The following TUBG1 variants were observed in gnomAD, a reference collection of about 807,000 sequenced individuals.
The protein encoded by TUBG1 is tubulin gamma 1.
In TUBG1, 22 loss-of-function variants were observed where a neutral mutation model predicts 53.3. The observed-to-expected ratio is 0.41, with a 90% CI of 0.29 to 0.59. TUBG1 has a LOEUF of 0.59. Among genes scored for constraint, TUBG1 ranks in the 20% least tolerant of loss-of-function variants. The pLI is 0.26. For missense variants in TUBG1, 217 were observed against 598.9 expected, an observed-to-expected ratio of 0.36 and a Z score of 6.66; for synonymous variants, 198 against 236.7, an observed-to-expected ratio of 0.84 and a Z score of 1.50.
chr17:42,611,918 C>G (rs1037817573), intron 3 of TUBG1, among the ~76,000 whole-genome samples, 157 bp from the exon 4 acceptor site: 2 of 152,110 alleles, frequency 1.3e-5, no homozygotes, highest in Non-Finnish European at 2.9e-5. Context: ...TTCTTGTAAC[C>G]ACTGCACCGT....
Position 42,614,438 on chromosome 17 carries a change from C to A in TUBG1, c.996+26C>A. The stretch of plus-strand genomic sequence containing the variant: ...GTAGGGGAGGCCCCTTCATCCCACA[C>A]CCTGGACCTGCAGGGGTAGAGGAGA... On this transcript the variant is annotated intron_variant, in intron 9 of 10. Transcript: ENST00000251413. The surrounding 1 kb of genome is among the most constrained non-coding windows in gnomAD (Gnocchi z 5.1). 1.2e-6 allele frequency: 2 copies of A among 1,614,184 alleles called. No individual in the cohort carries two copies. Among genetic ancestry groups the A allele is most frequent in the Non-Finnish European group, 1.7e-6 (2 of 1,180,018 alleles).
chr17:42,614,036 C>G lies in TUBG1; in HGVS notation c.843+38C>G. On this transcript the variant is annotated intron_variant, in intron 8 of 10. Coordinates refer to ENST00000251413, the MANE Select transcript of TUBG1 (RefSeq NM_001070.5). The surrounding 1 kb of genome is among the most constrained non-coding windows in gnomAD (Gnocchi z 5.1). ...TTCAGTGTCCCAGGCCAGGCCGGCC[C>G]TGGGCCCAACAGGCCCTGTCCTAGC... is the stretch of plus-strand genomic sequence containing the variant. The G allele has an allele frequency of 3.1e-6, 5 of 1,613,924 alleles. No individual in the cohort carries two copies. Among genetic ancestry groups the G allele is most frequent in the Non-Finnish European group, 4.2e-6 (5 of 1,179,882 alleles).
At position 42,614,658 on chromosome 17, in the gene TUBG1, G is replaced by A. The variant is rs1404954698; in HGVS notation, c.1158+1G>A. 1.2e-6 allele frequency: 2 copies of A among 1,614,022 alleles called. No homozygotes were observed. The highest frequency in any genetic ancestry group is 2.2e-5 in the East Asian group (1 of 44,888). ...GGCCAACCACACCAGCATCTCCTCGGTGAGTCTCAAAGTTTGCACCTTTTT... is the reference window on the plus strand; with the variant it reads ...GGCCAACCACACCAGCATCTCCTCGATGAGTCTCAAAGTTTGCACCTTTTT... On this transcript the variant is annotated splice_donor_variant, in intron 10 of 10. Coordinates refer to ENST00000251413, the MANE Select transcript of TUBG1 (RefSeq NM_001070.5). LOFTEE classifies it high-confidence loss of function. This position sits in a 1 kb window ranked among gnomAD's most constrained non-coding sequence, Gnocchi z 5.1.
chr17:42,609,987 G>A lies in TUBG1; in HGVS notation c.50-121G>A, dbSNP rs561984644. 8.8e-4 allele frequency: 1,196 copies of A among 1,357,692 alleles called. 2 individuals carry two copies. Among genetic ancestry groups the A allele is most frequent in the Non-Finnish European group, 7.8e-4 (777 of 990,802 alleles). The allele number at this position is 1,357,692 out of a possible 1,614,324, so 84.1% of individuals were successfully genotyped here. On this transcript the variant is annotated intron_variant, in intron 1 of 10. Coordinates refer to ENST00000251413, the MANE Select transcript of TUBG1 (RefSeq NM_001070.5). ...GGCGTACAGTCCTTTCCTCAGACACGGGAGAGTCCTGCGGCTTGACTTCTT... is the reference window on the plus strand; with the variant it reads ...GGCGTACAGTCCTTTCCTCAGACACAGGAGAGTCCTGCGGCTTGACTTCTT...
chr17:42,612,272 C>A (rs920771967), intron 4 of TUBG1, 129 bp downstream of exon 4: 2 of 1,305,694 alleles, frequency 1.5e-6, no homozygotes, highest in East Asian at 4.6e-5. Context: ...TCAGGCCTTG[C>A]CAGAAACAAG....
chr17:42,610,762 T>C, intron 3 of TUBG1, 172 bp downstream of exon 3: 7 of 904,412 alleles, frequency 7.7e-6, no homozygotes, highest in Non-Finnish European at 1.2e-5. Flanking sequence ...GCTAATGCAG[T>C]GTGCCAGGTC....
At position 42,614,229 on chromosome 17, in the gene TUBG1, T is replaced by A; in HGVS notation, c.844-31T>A. ...CAAAGGGGGACTGTGCCCTGAGCGC[T>A]GGCCGGGTCCCTGTCTCACTGTCCT... On this transcript the variant is annotated intron_variant, in intron 8 of 10. Transcript: ENST00000251413. This position sits in a 1 kb window ranked among gnomAD's most constrained non-coding sequence, Gnocchi z 5.1. The A allele has an allele frequency of 1.2e-6, 2 of 1,613,694 alleles. No homozygotes were observed. The highest frequency in any genetic ancestry group is 1.7e-6 in the Non-Finnish European group (2 of 1,179,734).
chr17:42,609,767 G>C lies in TUBG1; in HGVS notation c.30G>C (p.Leu10Phe). The change falls in exon 1 of 11, where the codon TTG becomes TTC. Residue 10 changes from leucine (L) to phenylalanine (F), a missense_variant. This residue lies in a region of TUBG1 where 57 missense variants were observed against 169.3 expected (regional missense o/e 0.34). Coordinates refer to ENST00000251413, the MANE Select transcript of TUBG1 (RefSeq NM_001070.5). MPREIITLQLGQCGNQIGFE... is the reference protein window; with the variant it reads MPREIITLQFGQCGNQIGFE... ...CGAGGGAAATCATCACCCTACAGTTGGGCCAGTGCGGCAATCAGAGTGAGC... is the reference window on the plus strand; with the variant it reads ...CGAGGGAAATCATCACCCTACAGTTCGGCCAGTGCGGCAATCAGAGTGAGC... 1 of 1,551,516 alleles carries C rather than the reference G, an allele frequency of 6.4e-7. No homozygotes were observed. The highest frequency in any genetic ancestry group is 8.7e-7 in the Non-Finnish European group (1 of 1,146,906).
rs545742505 is a variant in TUBG1 at position 42,612,286 on chromosome 17, G to C, written c.400-141G>C. ...ATCAGGCCTTGCCAGAAACAAGGCA[G>C]TTGCCTAAGCTGTATAAGTGAGGGG... On this transcript the variant is annotated intron_variant, in intron 4 of 10. Transcript: ENST00000251413. 4 of 1,293,084 alleles carry C rather than the reference G, an allele frequency of 3.1e-6. No homozygotes were observed. The East Asian group carries it at 6.9e-5, about 22-fold the overall frequency. 80.1% of individuals were successfully genotyped at this position (1,293,084 alleles called of 1,614,324 possible).
intron 4 of TUBG1, 32 bp from the exon 5 acceptor site, chr17:42,612,395 A>G (rs1180721595): frequency 1.2e-6 from 2 of 1,606,872 alleles, no homozygotes; most frequent in Non-Finnish European, 8.5e-7. Flanking sequence ...GCCACTAGAT[A>G]CCTGTACACT....
intron 3 of TUBG1, among the ~76,000 whole-genome samples, chr17:42,611,438 C>T (rs1435996595): frequency 6.6e-6 from 1 of 151,938 alleles, no homozygotes; most frequent in South Asian, 2.1e-4. Context: ...TTTTGAATTC[C>T]AAAACATAAC....
intron 6 of TUBG1, 35 bp from the exon 7 acceptor site, chr17:42,613,612 C>T (rs1301761873): frequency 6.2e-7 from 1 of 1,613,940 alleles, no homozygotes; most frequent in East Asian, 2.2e-5. Context: ...TTTTTCTTAT[C>T]CCCATTGATC....
chr17:42,612,054 C>A (rs1332306872), intron 3 of TUBG1, 21 bp from the exon 4 acceptor site: 1 of 1,613,242 alleles, frequency 6.2e-7, no homozygotes, highest in African/African-American at 1.3e-5. Context: ...CCCACTCTGA[C>A]CCTCCCCTAT....
intron 4 of TUBG1, 114 bp from the exon 5 acceptor site, chr17:42,612,313 C>A: frequency 7.4e-7 from 1 of 1,349,866 alleles, no homozygotes; most frequent in South Asian, 1.2e-5. Context: ...AGTGAGGGGA[C>A]TGGATGGGAA....
At chr17:42,613,161 C>A (rs1248803310) in intron 6 of TUBG1, 88 bp downstream of exon 6, 2 of 1,532,326 alleles carry the variant, frequency 1.3e-6, no homozygotes, top group Non-Finnish European at 1.8e-6. Flanking sequence ...TAAAAAAAAT[C>A]CATTTTAGCC....
Position 42,614,435 on chromosome 17 carries a change from A to C in TUBG1, c.996+23A>C, listed in dbSNP as rs523129. 1.2e-6 allele frequency: 2 copies of C among 1,614,082 alleles called. No homozygotes were observed. The highest frequency in any genetic ancestry group is 1.3e-5 in the African/African-American group (1 of 75,016). On this transcript the variant is annotated intron_variant, in intron 9 of 10. Coordinates refer to ENST00000251413, the MANE Select transcript of TUBG1 (RefSeq NM_001070.5). This position sits in a 1 kb window ranked among gnomAD's most constrained non-coding sequence, Gnocchi z 5.1. ...CAGGTAGGGGAGGCCCCTTCATCCC[A>C]CACCCTGGACCTGCAGGGGTAGAGG...
At chr17:42,610,247 G>T (rs1184036781) in intron 2 of TUBG1, 27 bp downstream of exon 2, 1 of 1,613,960 alleles carries the variant, frequency 6.2e-7, no homozygotes, top group African/African-American at 1.3e-5. Flanking sequence ...GGCCGGGGGC[G>T]GCAGTTGCCC....
chr17:42,613,875 C>T lies in TUBG1; in HGVS notation c.720C>T (p.Thr240=). The T allele has an allele frequency of 1.2e-6, 2 of 1,614,196 alleles. No homozygotes were observed. Among genetic ancestry groups the T allele is most frequent in the Non-Finnish European group, 1.7e-6 (2 of 1,180,030 alleles). Residue 240 remains threonine, a synonymous_variant, in exon 8 of 11, where the codon ACC becomes ACT. Coordinates refer to ENST00000251413, the MANE Select transcript of TUBG1 (RefSeq NM_001070.5). The part of the protein sequence containing the change: ...QLVSTIMSAS[T]TTLRYPGYMN... ...TGTCTACCATCATGTCAGCCAGCAC[C>T]ACCACCCTGCGCTACCCTGGCTACA...
At position 42,614,365 on chromosome 17, in the gene TUBG1, T is replaced by C. The variant is rs1383928408; in HGVS notation, c.949T>C (p.Tyr317His). 5 of 1,613,922 alleles carry C rather than the reference T, an allele frequency of 3.1e-6. No individual in the cohort carries two copies. In the Admixed American group the frequency reaches 8.3e-5, roughly 27 times the overall value. The change falls in exon 9 of 11, where the codon TAC becomes CAC. Residue 317 changes from tyrosine (Y) to histidine (H), a missense_variant. Tyr to His is a moderately conservative substitution (Grantham distance 83). Transcript: ENST00000251413. This position sits in a 1 kb window ranked among gnomAD's most constrained non-coding sequence, Gnocchi z 5.1. The stretch of plus-strand genomic sequence containing the variant: ...CCGAGACCGCCAGACCAACCACTGC[T>C]ACATCGCCATCCTCAACATCATCCA... ...TGRDRQTNHC[Y>H]IAILNIIQGE...
Sources: allele counts gnomAD v4.1 joint callset (sites outside exome capture counted in the v4.1 genomes callset), GRCh38; gene constraint gnomAD v4.1.1; regional missense constraint gnomAD v4.1.1; non-coding constraint Gnocchi (gnomAD v3.1); transcripts MANE v1.5; gene names NCBI Gene and HGNC (gene_info 2026-07-23, HGNC 2026-07-21).